Variants in MROH9 observed in about 807,000 individuals in gnomAD.
MROH9 encodes the protein maestro heat-like repeat-containing protein family member 9.
MROH9 carries 92 observed loss-of-function variants against 98.2 expected under a neutral mutation model. The ratio of observed to expected loss-of-function variants is 0.94; its 90% CI spans 0.79 to 1.11. The LOEUF (loss-of-function observed/expected upper bound fraction) is 1.11, where lower values mean the gene tolerates loss of function less well. Ranked by LOEUF, MROH9 falls within the 50% of genes most tolerant of loss-of-function variation. MROH9 has a pLI of 0.00. For missense variants in MROH9, 1,057 were observed against 1,014.8 expected (o/e 1.04, Z -0.57); for synonymous variants, 397 against 368.9 (o/e 1.08, Z -0.87).
intron 13 of MROH9, 92 bp from the exon 14 acceptor site, chr1:170,996,415 T>C: frequency 7.1e-7 from 1 of 1,412,320 alleles, no homozygotes; most frequent in South Asian, 1.4e-5. Context: ...ACCTATATTC[T>C]GCCCAAGATG....
chr1:170,984,193 C>G (rs1438463387), intron 9 of MROH9, among the ~76,000 whole-genome samples: 3 of 152,152 alleles, frequency 2.0e-5, no homozygotes, highest in African/African-American at 7.2e-5. Context: ...GCTAGTAGTT[C>G]AGCAAAACTT....
chr1:171,062,267 A>G (rs1654038596), intron 21 of MROH9, 73 bp downstream of exon 21: 2 of 1,100,528 alleles, frequency 1.8e-6, no homozygotes, highest in African/African-American at 1.6e-5. Flanking sequence ...TTCTAGTCAC[A>G]TATGAGTTCT....
intron 7 of MROH9, among the ~76,000 whole-genome samples, chr1:170,966,204 A>T (rs948838232): frequency 6.6e-6 from 1 of 152,106 alleles, no homozygotes; most frequent in Non-Finnish European, 1.5e-5. Flanking sequence ...CCACACCTTC[A>T]CAAATACTGG....
At chr1:171,007,790 TA>T (rs1652015664) in intron 15 of MROH9, among the ~76,000 whole-genome samples, 1 of 152,182 alleles carries the variant, frequency 6.6e-6, no homozygotes, top group Non-Finnish European at 1.5e-5. Flanking sequence ...GCAGGCCTGT[TA>T]CCCTGGTTTC....
chr1:171,022,345 C>T lies in MROH9; in HGVS notation c.1909-2050C>T, dbSNP rs144028462. On this transcript the variant is annotated intron_variant, in intron 17 of 21. Transcript: ENST00000367759. The stretch of plus-strand genomic sequence containing the variant: ...TACAGTAGCAAAGTCATGGAACCAA[C>T]CCAAATGCCCATCAATGTTAGACTG... Among the ~76,000 whole-genome samples, 82 of 152,186 alleles carry T rather than the reference C, an allele frequency of 5.4e-4. No homozygotes were observed. In the East Asian group the frequency reaches 0.014, roughly 26 times the overall value.
intron 17 of MROH9, among the ~76,000 whole-genome samples, chr1:171,022,598 G>A (rs149226821): frequency 2.0e-5 from 3 of 152,134 alleles, no homozygotes; most frequent in East Asian, 3.9e-4. Flanking sequence ...GGGCCACTTG[G>A]GGGGTGGGTG....
intron 11 of MROH9, among the ~76,000 whole-genome samples, chr1:170,991,156 G>C (rs1033534344): frequency 6.6e-6 from 1 of 152,146 alleles, no homozygotes; most frequent in African/African-American, 2.4e-5. Flanking sequence ...AGTACAGAAA[G>C]CAGGCATAAT....
chr1:171,037,579 C>T (rs1002136055), intron 20 of MROH9, among the ~76,000 whole-genome samples: 6 of 151,574 alleles, frequency 4.0e-5, no homozygotes, highest in African/African-American at 1.2e-4. Context: ...TTAAAATATC[C>T]TTAGGATTTT....
At chr1:171,046,220 GATCA>G (rs2101863863) in intron 20 of MROH9, among the ~76,000 whole-genome samples, 1 of 152,232 alleles carries the variant, frequency 6.6e-6, no homozygotes, top group East Asian at 1.9e-4. Flanking sequence ...AGACTGAACA[GATCA>G]ATTAACCTTA....
intron 15 of MROH9, among the ~76,000 whole-genome samples, chr1:171,006,008 T>C (rs1651941709): frequency 6.6e-6 from 1 of 152,246 alleles, no homozygotes; most frequent in Admixed American, 6.5e-5. Flanking sequence ...TATAGATTTA[T>C]CTTTCAAAGT....
intron 13 of MROH9, among the ~76,000 whole-genome samples, chr1:170,996,155 A>G (rs1651558901): frequency 6.6e-6 from 1 of 152,196 alleles, no homozygotes; most frequent in East Asian, 1.9e-4. Flanking sequence ...TCCCAACTAG[A>G]TAAGAATATA....
At chr1:171,036,771 A>G (rs1346922297) in intron 20 of MROH9, among the ~76,000 whole-genome samples, 1 of 149,018 alleles carries the variant, frequency 6.7e-6, no homozygotes, top group Non-Finnish European at 1.5e-5. Flanking sequence ...ACTCACCAGA[A>G]TAGATGAATA....
chr1:170,996,754 C>A, intron 14 of MROH9, 110 bp downstream of exon 14: 7 of 1,038,918 alleles, frequency 6.7e-6, no homozygotes, highest in Non-Finnish European at 4.2e-6. Context: ...ATTTCCAAAT[C>A]TCTCTTAATG....
chr1:170,963,717 C>A (rs1650118526), intron 6 of MROH9, among the ~76,000 whole-genome samples: 1 of 152,018 alleles, frequency 6.6e-6, no homozygotes, highest in African/African-American at 2.4e-5. Context: ...TTAGCCTTAA[C>A]AAACTAACAC....
At chr1:170,940,567 C>T (rs1034657189) in intron 1 of MROH9, among the ~76,000 whole-genome samples, 8 of 152,130 alleles carry the variant, frequency 5.3e-5, no homozygotes, top group African/African-American at 1.9e-4. Context: ...AAAGTATTTG[C>T]CAGAATAATA....
intron 17 of MROH9, among the ~76,000 whole-genome samples, chr1:171,019,593 G>A (rs1188189910): frequency 6.6e-6 from 1 of 151,416 alleles, no homozygotes; most frequent in Non-Finnish European, 1.5e-5. Flanking sequence ...GGAGGTTGCA[G>A]TCAGCCGAGA....
chr1:171,014,323 C>A, intron 16 of MROH9, 69 bp downstream of exon 16: 2 of 1,387,424 alleles, frequency 1.4e-6, no homozygotes, highest in African/African-American at 1.4e-5. Context: ...TGTCACTTAA[C>A]ATCTTCACTG....
In MROH9 at chr1:171,016,282, G is replaced by A; in HGVS notation, c.1854G>A (p.Val618=). The A allele has an allele frequency of 6.5e-7, 1 of 1,537,916 alleles. No homozygotes were observed. The highest frequency in any genetic ancestry group is 2.5e-5 in the East Asian group (1 of 39,996). ...LRRLLNELDK[V]TYSLGTRIGS... is the part of the protein sequence containing the mutation. ...GGCTTTTAAACGAACTGGACAAAGT[G>A]ACCTACTCTTTGGGTACCAGAATTG... Residue 618 remains valine (V), a synonymous_variant, in exon 17 of 22, where the codon GTG becomes GTA. Transcript: ENST00000367759.
At chr1:170,959,659 A>C in intron 5 of MROH9, 62 bp downstream of exon 5, 3 of 1,485,264 alleles carry the variant, frequency 2.0e-6, no homozygotes, top group Non-Finnish European at 2.7e-6. Context: ...AATCCTGCAG[A>C]ATGTGACTCA....
Sources: gnomAD v4.1 joint callset for allele counts (sites outside exome capture counted in the v4.1 genomes callset) on GRCh38, gnomAD v4.1.1 for gene constraint, MANE v1.5 for transcripts, NCBI Gene and HGNC (gene_info 2026-07-23, HGNC 2026-07-21) for gene names.